PLXDC2: variants seen among roughly 807,000 people sequenced by gnomAD.
The protein encoded by PLXDC2 is plexin domain-containing protein 2.
Under a neutral mutation model 68.9 loss-of-function variants are expected in PLXDC2, and 40 were observed. The observed-to-expected ratio is 0.58, with a 90% confidence interval of 0.45 to 0.76. PLXDC2 has a LOEUF of 0.76. Ranked by LOEUF, PLXDC2 falls within the 30% of genes least tolerant of loss-of-function variation. The pLI, the probability that PLXDC2 is intolerant of heterozygous loss-of-function variation, is 0.00. For synonymous variants in PLXDC2, 243 were observed against 234.2 expected (o/e 1.04, Z -0.34); for missense variants, 644 against 661.9 (o/e 0.97, Z 0.30).
chr10:19,904,382 C>T (rs925634243), intron 1 of PLXDC2, among the ~76,000 whole-genome samples: 2 of 151,998 alleles, frequency 1.3e-5, no homozygotes, highest in African/African-American at 2.4e-5. Context: ...TCATACAGGT[C>T]ACCAGGGAAG....
At chr10:20,251,120 T>G (rs1328538147) in intron 13 of PLXDC2, among the ~76,000 whole-genome samples, 1 of 152,196 alleles carries the variant, frequency 6.6e-6, no homozygotes, top group African/African-American at 2.4e-5. Context: ...AAACATTCCA[T>G]TTCTATTCAG....
intron 1 of PLXDC2, among the ~76,000 whole-genome samples, chr10:19,894,766 A>G (rs1315627067): frequency 6.6e-6 from 1 of 152,210 alleles, no homozygotes; most frequent in Non-Finnish European, 1.5e-5. Context: ...AGATCATTAA[A>G]AAGTCAGGAA....
At chr10:20,013,893 G>A (rs1421360592) in intron 2 of PLXDC2, among the ~76,000 whole-genome samples, 1 of 152,142 alleles carries the variant, frequency 6.6e-6, no homozygotes, top group Non-Finnish European at 1.5e-5. Flanking sequence ...GAATAGAAGA[G>A]TGTCACATTC....
chr10:19,950,924 T>G, intron 1 of PLXDC2, among the ~76,000 whole-genome samples: 1 of 152,282 alleles, frequency 6.6e-6, no homozygotes, highest in Non-Finnish European at 1.5e-5. Context: ...TAAATGGTAC[T>G]GGGACAACTG....
chr10:19,862,702 A>G (rs1244841733), intron 1 of PLXDC2, among the ~76,000 whole-genome samples: 1 of 152,226 alleles, frequency 6.6e-6, no homozygotes, highest in Non-Finnish European at 1.5e-5. Flanking sequence ...TTTTCTTTTC[A>G]ACATGAAACT....
chr10:19,950,282 G>T (rs1041025525), intron 1 of PLXDC2, among the ~76,000 whole-genome samples: 1 of 152,096 alleles, frequency 6.6e-6, no homozygotes, highest in Non-Finnish European at 1.5e-5. Context: ...TCTACCAAAA[G>T]GTTCCAGAAC....
At chr10:20,209,516 T>TA (rs1478902072) in intron 9 of PLXDC2, among the ~76,000 whole-genome samples, 3 of 95,372 alleles carry the variant, frequency 3.1e-5, no homozygotes, top group Non-Finnish European at 6.3e-5. Context: ...CCCTAAAACT[T>TA]AAAGTATAAT....
intron 9 of PLXDC2, among the ~76,000 whole-genome samples, chr10:20,177,861 C>A (rs1305478678): frequency 6.6e-6 from 1 of 151,438 alleles, no homozygotes; most frequent in Non-Finnish European, 1.5e-5. Flanking sequence ...AAATGCAAAA[C>A]AAAACTCGTA....
chr10:19,826,632 T>C (rs1322907972), intron 1 of PLXDC2, among the ~76,000 whole-genome samples: 5 of 152,252 alleles, frequency 3.3e-5, no homozygotes, highest in Non-Finnish European at 7.3e-5. Context: ...TTTATTTTCA[T>C]ATGCTGGTTT....
At chr10:19,919,862 C>T (rs1833430242) in intron 1 of PLXDC2, among the ~76,000 whole-genome samples, 1 of 152,204 alleles carries the variant, frequency 6.6e-6, no homozygotes, top group Non-Finnish European at 1.5e-5. Flanking sequence ...GCTAGGCGAA[C>T]ACTAGGTGTG....
rs1334633285 is a variant in PLXDC2, at chr10:20,233,323, T to A, written c.1313-12022T>A. 2.0e-5 allele frequency among the ~76,000 whole-genome samples: 3 copies of A among 150,850 alleles called. No homozygotes were observed. The Admixed American group carries it at 2.0e-4, about 10-fold the overall frequency. On this transcript the variant is annotated intron_variant, in intron 12 of 13. Transcript: ENST00000377252. ...AGAGGATCAGTTGAGGCCAGGAGTTTGAGACCAGCCTGGGCAACATAGTGA... is the reference window on the plus strand; with the variant it reads ...AGAGGATCAGTTGAGGCCAGGAGTTAGAGACCAGCCTGGGCAACATAGTGA...
At chr10:20,075,732 T>A (rs1275608695) in intron 4 of PLXDC2, among the ~76,000 whole-genome samples, 1 of 152,142 alleles carries the variant, frequency 6.6e-6, no homozygotes, top group East Asian at 1.9e-4. Flanking sequence ...AACAATTAGA[T>A]GTAAACAAAA....
intron 1 of PLXDC2, among the ~76,000 whole-genome samples, chr10:19,937,725 C>T (rs1352936420): frequency 2.0e-5 from 3 of 151,840 alleles, no homozygotes; most frequent in Non-Finnish European, 4.4e-5. Flanking sequence ...AGGTTTCTTG[C>T]CACACTCTGT....
chr10:20,042,858 C>A (rs751609389), intron 2 of PLXDC2, among the ~76,000 whole-genome samples: 1 of 152,132 alleles, frequency 6.6e-6, no homozygotes, highest in Non-Finnish European at 1.5e-5. Flanking sequence ...CATGCATTTT[C>A]GAGAAACATG....
intron 2 of PLXDC2, 55 bp downstream of exon 2, chr10:20,002,041 T>A (rs1011614068): frequency 1.3e-6 from 2 of 1,526,646 alleles, no homozygotes; most frequent in African/African-American, 2.8e-5. Flanking sequence ...TTCATGTAGG[T>A]GCCCAACTTT....
At chr10:20,220,670 A>G (rs1835197853) in intron 12 of PLXDC2, among the ~76,000 whole-genome samples, 1 of 152,064 alleles carries the variant, frequency 6.6e-6, no homozygotes, top group Non-Finnish European at 1.5e-5. Context: ...TCATTCATTG[A>G]TTTCTGCTCA....
intron 13 of PLXDC2, among the ~76,000 whole-genome samples, chr10:20,263,561 T>TAAAC (rs1835835609): frequency 6.6e-6 from 1 of 152,136 alleles, no homozygotes; most frequent in South Asian, 2.1e-4. Context: ...GTCAACAAAG[T>TAAAC]AAACAGTCAA....
At chr10:20,127,149 C>T (rs1205026215) in intron 4 of PLXDC2, among the ~76,000 whole-genome samples, 3 of 152,036 alleles carry the variant, frequency 2.0e-5, no homozygotes, top group Non-Finnish European at 4.4e-5. Flanking sequence ...ATGCAGATGG[C>T]TGTCTTTGAG....
At chr10:19,982,633 G>T (rs1834570556) in intron 1 of PLXDC2, among the ~76,000 whole-genome samples, 1 of 152,058 alleles carries the variant, frequency 6.6e-6, no homozygotes, top group African/African-American at 2.4e-5. Context: ...CTAAATTTTT[G>T]ATGCCCAACA....
Sources: allele counts gnomAD v4.1 joint callset (sites outside exome capture counted in the v4.1 genomes callset), GRCh38; gene constraint gnomAD v4.1.1; transcripts MANE v1.5; gene names NCBI Gene and HGNC (gene_info 2026-07-23, HGNC 2026-07-21).